LRBA: variants seen among roughly 807,000 people sequenced by gnomAD.
LRBA encodes the protein LPS responsive beige-like anchor protein.
LRBA carries 176 observed loss-of-function variants against 330.0 expected under a neutral mutation model. The ratio of observed to expected loss-of-function variants is 0.53; its 90% CI spans 0.47 to 0.60. The LOEUF is 0.60. Among genes scored for constraint, LRBA ranks in the 20% least tolerant of loss-of-function variants. LRBA has a pLI of 0.00. For missense variants in LRBA, 3,259 were observed against 3,444.8 expected, an observed-to-expected ratio of 0.95 and a Z score of 1.35; for synonymous variants, 1,230 against 1,193.0, an observed-to-expected ratio of 1.03 and a Z score of -0.64.
chr4:150,421,371 C>A (rs900571787), intron 46 of LRBA, among the ~76,000 whole-genome samples: 6 of 146,320 alleles, frequency 4.1e-5, no homozygotes, highest in African/African-American at 1.5e-4. Flanking sequence ...TATACACATA[C>A]ACAAAATGCA....
At chr4:150,278,471 G>A (rs1366687848) in intron 55 of LRBA, among the ~76,000 whole-genome samples, 3 of 39,214 alleles carry the variant, frequency 7.7e-5, no homozygotes, top group South Asian at 1.2e-3. Context: ...CCCTGAGCCT[G>A]CTGGATTTTG....
At chr4:150,740,282 T>A (rs1177462218) in intron 35 of LRBA, among the ~76,000 whole-genome samples, 1 of 152,020 alleles carries the variant, frequency 6.6e-6, no homozygotes, top group Admixed American at 6.6e-5. Context: ...TATGCAAGTA[T>A]TGAACTGAAG....
chr4:150,588,027 G>A, intron 40 of LRBA, 21 bp downstream of exon 40: 1 of 1,606,062 alleles, frequency 6.2e-7, no homozygotes. Context: ...AAGAAAAAAT[G>A]AAACCCCTTC....
At chr4:150,656,229 C>T (rs1009955862) in intron 37 of LRBA, among the ~76,000 whole-genome samples, 2 of 152,174 alleles carry the variant, frequency 1.3e-5, no homozygotes, top group African/African-American at 4.8e-5. Flanking sequence ...GGCTTCTCAG[C>T]CCCCAAGTGA....
intron 47 of LRBA, among the ~76,000 whole-genome samples, chr4:150,405,404 TG>T (rs1241500396): frequency 6.6e-6 from 1 of 152,210 alleles, no homozygotes; most frequent in African/African-American, 2.4e-5. Context: ...TGAAAACCAC[TG>T]GTATTTGAAA....
chr4:151,004,085 A>ATT (rs1396789190), intron 2 of LRBA, among the ~76,000 whole-genome samples: 2 of 151,922 alleles, frequency 1.3e-5, no homozygotes, highest in East Asian at 3.9e-4. Flanking sequence ...TGCCAGGCCA[A>ATT]TTTTTGTATG....
intron 37 of LRBA, among the ~76,000 whole-genome samples, chr4:150,678,910 G>A (rs934597352): frequency 3.3e-5 from 5 of 152,004 alleles, no homozygotes; most frequent in African/African-American, 4.8e-5. Flanking sequence ...GGAATCAAAT[G>A]CCTAAGATGA....
chr4:150,804,304 T>C (rs1742222609), intron 33 of LRBA, among the ~76,000 whole-genome samples: 1 of 152,210 alleles, frequency 6.6e-6, no homozygotes, highest in Admixed American at 6.5e-5. Context: ...TCATTGTTAC[T>C]TTTTGACTGC....
chr4:150,809,725 T>G (rs113985591), intron 31 of LRBA, among the ~76,000 whole-genome samples: 272 of 152,186 alleles, frequency 1.8e-3, no homozygotes, highest in Middle Eastern at 3.4e-3. Context: ...AATGGTTGTG[T>G]GTGCCTGTGG....
chr4:150,427,379 G>A (rs964987682), intron 46 of LRBA, among the ~76,000 whole-genome samples: 5 of 151,930 alleles, frequency 3.3e-5, no homozygotes, highest in South Asian at 2.1e-4. Flanking sequence ...TTGTAGACAC[G>A]AGTACAAACT....
chr4:150,745,522 G>C (rs1274789570), intron 35 of LRBA, among the ~76,000 whole-genome samples: 1 of 151,852 alleles, frequency 6.6e-6, no homozygotes, highest in African/African-American at 2.4e-5. Flanking sequence ...TTTGTTTTTT[G>C]TTTTTGTTTT....
chr4:150,618,420 T>C (rs994056437), intron 37 of LRBA, among the ~76,000 whole-genome samples: 45 of 152,296 alleles, frequency 3.0e-4, no homozygotes, highest in African/African-American at 1.1e-3. Context: ...AAATGAAATG[T>C]AAAAATATTC....
intron 44 of LRBA, among the ~76,000 whole-genome samples, chr4:150,459,446 G>A (rs1754487107): frequency 6.6e-6 from 1 of 151,892 alleles, no homozygotes; most frequent in South Asian, 2.1e-4. Context: ...TTGACTGACA[G>A]ACAGATTTGA....
At chr4:150,897,477 T>C (rs1034212609) in intron 15 of LRBA, among the ~76,000 whole-genome samples, 2 of 152,034 alleles carry the variant, frequency 1.3e-5, no homozygotes, top group African/African-American at 2.4e-5. Context: ...TAGTAAATAT[T>C]TGCTGAATGA....
At chr4:150,847,715 A>C (rs1036350043) in intron 26 of LRBA, among the ~76,000 whole-genome samples, 1 of 152,174 alleles carries the variant, frequency 6.6e-6, no homozygotes, top group Non-Finnish European at 1.5e-5. Context: ...ATAGAAGGAA[A>C]ATTATGCAAA....
intron 2 of LRBA, among the ~76,000 whole-genome samples, chr4:150,929,396 C>T (rs1171604643): frequency 6.6e-6 from 1 of 152,190 alleles, no homozygotes; most frequent in Non-Finnish European, 1.5e-5. Flanking sequence ...TATGAAGTAT[C>T]AAATCTGTGA....
At chr4:150,300,477 A>G (rs1469151584) in intron 53 of LRBA, among the ~76,000 whole-genome samples, 1 of 152,216 alleles carries the variant, frequency 6.6e-6, no homozygotes, top group East Asian at 1.9e-4. Flanking sequence ...TCTAATGCCA[A>G]CAAGATGGTG....
At chr4:150,386,498 C>A (rs2151899289) in intron 47 of LRBA, among the ~76,000 whole-genome samples, 1 of 146,558 alleles carries the variant, frequency 6.8e-6, no homozygotes, top group African/African-American at 2.5e-5. Flanking sequence ...GCTTCCACTT[C>A]TAGGTGAGAG....
chr4:150,423,577 C>A, intron 46 of LRBA: 4 of 356,474 alleles, frequency 1.1e-5, no homozygotes, highest in East Asian at 7.3e-5. Context: ...CTGTCTTTAC[C>A]ACCTGCTTGC....
Sources: allele counts gnomAD v4.1 joint callset (sites outside exome capture counted in the v4.1 genomes callset), GRCh38; gene constraint gnomAD v4.1.1; transcripts MANE v1.5; gene names NCBI Gene and HGNC (gene_info 2026-07-23, HGNC 2026-07-21).